Variants in SOS1 observed in about 807,000 individuals in gnomAD.
SOS1 encodes the protein SOS Ras/Rac guanine nucleotide exchange factor 1, also known as son of sevenless homolog 1.
Under a neutral mutation model 157.6 loss-of-function variants are expected in SOS1, and 25 were observed. The observed-to-expected ratio is 0.16, with a 90% confidence interval of 0.12 to 0.22. SOS1 has a LOEUF of 0.22. Among genes scored for constraint, SOS1 ranks in the 10% least tolerant of loss-of-function variants. The pLI, the probability that SOS1 is intolerant of heterozygous loss-of-function variation, is 1.00. For synonymous variants in SOS1, 528 were observed against 534.0 expected, an observed-to-expected ratio of 0.99 and a Z score of 0.16; for missense variants, 1,237 against 1,599.1, an observed-to-expected ratio of 0.77 and a Z score of 3.86.
chr2:39,019,007 A>G (rs138821139), intron 10 of SOS1, among the ~76,000 whole-genome samples: 1 of 151,822 alleles, frequency 6.6e-6, no homozygotes, highest in Non-Finnish European at 1.5e-5. Context: ...AAACACCGAA[A>G]CTGAGCTTAT....
In SOS1 at chr2:39,014,756, T is replaced by C; in HGVS notation, c.1940+9A>G. 7.1e-7 allele frequency: 1 copy of C among 1,401,562 alleles called. No homozygotes were observed. Among genetic ancestry groups the C allele is most frequent in the Non-Finnish European group, 1.0e-6 (1 of 996,276 alleles). 86.8% of individuals were successfully genotyped at this position (1,401,562 alleles called of 1,614,324 possible). ...ATAATGAATTTAAATATTTTTTAAA[T>C]GGACAGACCTTTCTATTATAAGACT... On this transcript the variant is annotated intron_variant, in intron 11 of 22. Coordinates refer to ENST00000402219, the MANE Select transcript of SOS1 (RefSeq NM_005633.4).
At chr2:39,069,190 C>CAAAAAAAAAAAAAAAAAAAAAAAAAAA (rs869178369) in intron 1 of SOS1, among the ~76,000 whole-genome samples, 1 of 46,734 alleles carries the variant, frequency 2.1e-5, no homozygotes, top group African/African-American at 6.8e-5. Flanking sequence ...TACCAAAAAG[C>CAAAAAAAAAAAAAAAAAAAAAAAAAAA]AAAAAAAAAA....
At chr2:39,012,436 C>T (rs1293284675) in intron 13 of SOS1, 88 bp from the exon 14 acceptor site, 1 of 477,326 alleles carries the variant, frequency 2.1e-6, no homozygotes, top group South Asian at 5.6e-5. Context: ...ACACGGATGA[C>T]ACCTGAATGT....
upstream of SOS1, chr2:39,124,282 C>G (rs1489150369): frequency 6.6e-6 from 1 of 152,412 alleles, no homozygotes; most frequent in Non-Finnish European, 1.5e-5. Flanking sequence ...CACCAATCCC[C>G]CGCGCCAGCC....
intron 6 of SOS1, among the ~76,000 whole-genome samples, chr2:39,044,025 C>G (rs1038427466): frequency 1.3e-5 from 2 of 152,120 alleles, no homozygotes; most frequent in African/African-American, 4.8e-5. Flanking sequence ...CATTACAGTT[C>G]TAAAACATTT....
intron 3 of SOS1, 59 bp from the exon 4 acceptor site, chr2:39,056,925 A>T: frequency 8.3e-7 from 1 of 1,198,802 alleles, no homozygotes; most frequent in Non-Finnish European, 1.2e-6. Context: ...TAACACACTG[A>T]TTAAAAATAA....
chr2:39,115,121 C>T (rs1315759121), intron 1 of SOS1, among the ~76,000 whole-genome samples: 2 of 152,132 alleles, frequency 1.3e-5, no homozygotes, highest in Admixed American at 6.6e-5. Flanking sequence ...AAAATACCTT[C>T]ATTGAGGTAC....
At chr2:39,019,573 A>G (rs1172084606) in intron 10 of SOS1, among the ~76,000 whole-genome samples, 2 of 151,800 alleles carry the variant, frequency 1.3e-5, no homozygotes, top group South Asian at 4.1e-4. Flanking sequence ...GAAACACCGA[A>G]TCTGAGAGAC....
At chr2:39,092,352 C>T (rs573439300) in intron 1 of SOS1, among the ~76,000 whole-genome samples, 2 of 152,250 alleles carry the variant, frequency 1.3e-5, no homozygotes, top group African/African-American at 4.8e-5. Flanking sequence ...TAACTACCCT[C>T]TTCTAGGGTG....
intron 6 of SOS1, among the ~76,000 whole-genome samples, chr2:39,045,273 AGTGTGTGTGTGTGTGT>A: frequency 9.3e-6 from 1 of 108,090 alleles, no homozygotes; most frequent in Admixed American, 9.8e-5. Context: ...AGAGAGAGAG[AGTGTGTGTGTGTGTGT>A]GTGTGTGTGT....
intron 1 of SOS1, among the ~76,000 whole-genome samples, chr2:39,076,906 G>A (rs1295702779): frequency 6.6e-6 from 1 of 152,168 alleles, no homozygotes; most frequent in African/African-American, 2.4e-5. Context: ...GTTAATAAGT[G>A]AGTTTAGTAA....
At chr2:39,025,544 GA>G (rs1423570487) in intron 8 of SOS1, among the ~76,000 whole-genome samples, 40 of 149,800 alleles carry the variant, frequency 2.7e-4, no homozygotes, top group Admixed American at 2.0e-3. Context: ...ACTTCTAGTA[GA>G]GACAAGTTTT....
intron 2 of SOS1, among the ~76,000 whole-genome samples, chr2:39,065,139 C>CTA (rs1671551035): frequency 6.6e-6 from 1 of 151,842 alleles, no homozygotes; most frequent in Non-Finnish European, 1.5e-5. Flanking sequence ...TTAGGGCTTG[C>CTA]TAAATTTAGG....
At chr2:39,073,010 A>G (rs1671840019) in intron 1 of SOS1, among the ~76,000 whole-genome samples, 2 of 152,248 alleles carry the variant, frequency 1.3e-5, no homozygotes, top group Admixed American at 1.3e-4. Flanking sequence ...TATTTCTTTA[A>G]AGAGCAAACA....
At chr2:39,050,210 G>A (rs1670957684) in intron 6 of SOS1, among the ~76,000 whole-genome samples, 1 of 152,168 alleles carries the variant, frequency 6.6e-6, no homozygotes, top group Non-Finnish European at 1.5e-5. Flanking sequence ...ATTTTAGAGT[G>A]AGAACACAGC....
intron 1 of SOS1, among the ~76,000 whole-genome samples, chr2:39,113,359 T>G (rs1673512208): frequency 6.9e-6 from 1 of 145,464 alleles, no homozygotes; most frequent in Admixed American, 6.9e-5. Flanking sequence ...CCTGTCTTCT[T>G]TTTTTTTTTT....
chr2:38,997,463 G>A (rs759249510), intron 17 of SOS1, 38 bp from the exon 18 acceptor site: 2 of 1,417,186 alleles, frequency 1.4e-6, no homozygotes, highest in Non-Finnish European at 1.9e-6. Flanking sequence ...GGATAAAGAA[G>A]GAAAATGCAA....
At chr2:38,997,888 A>G (rs1037270488) in intron 17 of SOS1, among the ~76,000 whole-genome samples, 2 of 152,180 alleles carry the variant, frequency 1.3e-5, no homozygotes, top group Non-Finnish European at 2.9e-5. Flanking sequence ...CAAACAGGAA[A>G]AATACTAAAT....
chr2:39,073,820 G>A (rs1210495590), intron 1 of SOS1, among the ~76,000 whole-genome samples: 4 of 152,170 alleles, frequency 2.6e-5, no homozygotes, highest in Non-Finnish European at 4.4e-5. Context: ...CTAGCTAATG[G>A]CTTTCTGGAG....
Sources: allele counts gnomAD v4.1 joint callset (sites outside exome capture counted in the v4.1 genomes callset), GRCh38; gene constraint gnomAD v4.1.1; transcripts MANE v1.5; gene names NCBI Gene and HGNC (gene_info 2026-07-23, HGNC 2026-07-21).